The following GSTCD variants were observed in gnomAD, a reference collection of about 807,000 sequenced individuals.
GSTCD encodes the protein glutathione S-transferase C-terminal domain containing.
A neutral mutation model predicts 68.3 loss-of-function variants in GSTCD; 44 were observed. That is an observed-to-expected ratio of 0.64 (90% CI 0.51 to 0.83). GSTCD has a LOEUF of 0.83. Ranked by LOEUF, GSTCD falls within the 40% of genes least tolerant of loss-of-function variation. The pLI is 0.00. For missense variants in GSTCD, 739 were observed against 735.9 expected (o/e 1.00, Z -0.05); for synonymous variants, 273 against 255.2 (o/e 1.07, Z -0.67).
intron 3 of GSTCD, among the ~76,000 whole-genome samples, chr4:105,724,209 G>A (rs1732958716): frequency 6.6e-6 from 1 of 151,576 alleles, no homozygotes; most frequent in Non-Finnish European, 1.5e-5. Flanking sequence ...CATCATAATG[G>A]TTTCTACGGA....
intron 5 of GSTCD, among the ~76,000 whole-genome samples, chr4:105,816,683 G>T (rs546363276): frequency 7.2e-5 from 11 of 151,862 alleles, no homozygotes; most frequent in Non-Finnish European, 1.5e-4. Context: ...TTCCTTGAAC[G>T]CACGCATATG....
chr4:105,811,753 A>C (rs774207352), intron 5 of GSTCD, among the ~76,000 whole-genome samples: 4 of 152,158 alleles, frequency 2.6e-5, no homozygotes, highest in African/African-American at 4.8e-5. Flanking sequence ...AAGAAGGGAA[A>C]TAGCATGAAC....
intron 4 of GSTCD, 149 bp downstream of exon 4, chr4:105,726,979 T>C (rs1319836262): frequency 4.7e-6 from 3 of 639,292 alleles, no homozygotes; most frequent in Non-Finnish European, 7.6e-6. Context: ...ATATTTCTGC[T>C]ACTCTTTTCA....
intron 10 of GSTCD, among the ~76,000 whole-genome samples, chr4:105,838,170 A>G (rs913102284): frequency 2.6e-5 from 4 of 152,232 alleles, no homozygotes; most frequent in Admixed American, 2.6e-4. Context: ...TAAGTCAGAG[A>G]CAAAAGACAG....
At chr4:105,787,393 AGG>A in intron 5 of GSTCD, among the ~76,000 whole-genome samples, 1 of 152,062 alleles carries the variant, frequency 6.6e-6, no homozygotes, top group Non-Finnish European at 1.5e-5. Context: ...AAGCTTACTG[AGG>A]ATGCCTGTTA....
At chr4:105,720,419 A>C (rs1467323444) in intron 3 of GSTCD, among the ~76,000 whole-genome samples, 1 of 152,212 alleles carries the variant, frequency 6.6e-6, no homozygotes, top group Admixed American at 6.5e-5. Flanking sequence ...ATATATCACC[A>C]ACAATTCAGG....
At chr4:105,748,925 G>GT (rs992179422) in intron 5 of GSTCD, among the ~76,000 whole-genome samples, 1 of 151,916 alleles carries the variant, frequency 6.6e-6, no homozygotes, top group Non-Finnish European at 1.5e-5. Context: ...ATATTAACAT[G>GT]TTTTTTTAAA....
chr4:105,712,487 G>C (rs1250820445), intron 1 of GSTCD: 1 of 152,224 alleles, frequency 6.6e-6, no homozygotes, highest in Non-Finnish European at 1.5e-5. Context: ...GGCCATAATA[G>C]GAAATTTGGA....
chr4:105,771,418 G>T (rs1734842776), intron 5 of GSTCD, among the ~76,000 whole-genome samples: 1 of 152,054 alleles, frequency 6.6e-6, no homozygotes. Flanking sequence ...CATTGGTTTT[G>T]GTGTTTTAGT....
In GSTCD at chr4:105,789,803, C is replaced by T. The variant is rs559974599; in HGVS notation, c.1241-33151C>T. Among the ~76,000 whole-genome samples the T allele has an allele frequency of 4.7e-4, 71 of 151,768 alleles. 1 individual carries two copies. The South Asian group carries it at 0.014, about 29-fold the overall frequency. On this transcript the variant is annotated intron_variant, in intron 5 of 11. Coordinates refer to ENST00000515279, the MANE Select transcript of GSTCD (RefSeq NM_001370181.1). Reference sequence around the variant, plus strand: ...CCATTGGGAAGTACCTTAGATGCTGCCTACCACAGAGACCCGAATAAGTGA... The same window carrying T: ...CCATTGGGAAGTACCTTAGATGCTGTCTACCACAGAGACCCGAATAAGTGA...
At chr4:105,759,473 T>G (rs866052632) in intron 5 of GSTCD, among the ~76,000 whole-genome samples, 2 of 152,132 alleles carry the variant, frequency 1.3e-5, no homozygotes, top group Admixed American at 6.6e-5. Context: ...AAATGTTAGT[T>G]GTGTTTAGTT....
At chr4:105,719,033 A>G (rs763774943) in intron 2 of GSTCD, 27 bp from the exon 3 acceptor site, 19 of 1,507,788 alleles carry the variant, frequency 1.3e-5, no homozygotes, top group African/African-American at 9.9e-5. Context: ...AAATCTTTTC[A>G]TTTCTTGTTT....
intron 9 of GSTCD, among the ~76,000 whole-genome samples, chr4:105,835,239 TG>T (rs1188653999): frequency 2.0e-5 from 3 of 152,158 alleles, no homozygotes; most frequent in African/African-American, 7.2e-5. Flanking sequence ...GAGTTTTGCT[TG>T]GGCCCATTGG....
intron 5 of GSTCD, among the ~76,000 whole-genome samples, chr4:105,820,224 CT>C (rs1296931956): frequency 4.6e-5 from 7 of 151,478 alleles, no homozygotes; most frequent in African/African-American, 1.7e-4. Context: ...GCTCCTTTAC[CT>C]CTGTACTTTC....
At chr4:105,713,008 G>C (rs1732583443) in intron 1 of GSTCD, among the ~76,000 whole-genome samples, 1 of 152,092 alleles carries the variant, frequency 6.6e-6, no homozygotes. Flanking sequence ...ATTGTGAGTT[G>C]TGCCCCATTA....
intron 5 of GSTCD, chr4:105,761,258 C>T: frequency 5.9e-6 from 1 of 168,276 alleles, no homozygotes; most frequent in South Asian, 1.4e-4. Flanking sequence ...GCCGCCTCAG[C>T]CTCCCAAAGT....
intron 10 of GSTCD, among the ~76,000 whole-genome samples, chr4:105,838,556 T>G (rs1724212675): frequency 6.6e-6 from 1 of 152,236 alleles, no homozygotes; most frequent in Non-Finnish European, 1.5e-5. Context: ...TAGGCTAGAC[T>G]TGGCCTGTGG....
At chr4:105,794,876 T>C (rs968059179) in intron 5 of GSTCD, among the ~76,000 whole-genome samples, 1 of 139,818 alleles carries the variant, frequency 7.2e-6, no homozygotes, top group African/African-American at 2.9e-5. Flanking sequence ...TCTATCTATC[T>C]ATCTATCTAT....
intron 5 of GSTCD, among the ~76,000 whole-genome samples, chr4:105,743,743 C>G (rs993740580): frequency 6.7e-6 from 1 of 149,246 alleles, no homozygotes; most frequent in African/African-American, 2.5e-5. Flanking sequence ...ACTGCAAGCT[C>G]CCCCTCCCAG....
Sources: gnomAD v4.1 joint callset for allele counts (sites outside exome capture counted in the v4.1 genomes callset) on GRCh38, gnomAD v4.1.1 for gene constraint, MANE v1.5 for transcripts, NCBI Gene and HGNC (gene_info 2026-07-23, HGNC 2026-07-21) for gene names.